The following CAPN5 variants were observed in gnomAD, a reference collection of about 807,000 sequenced individuals.
CAPN5 encodes calpain-5.
Under a neutral mutation model 73.0 loss-of-function variants are expected in CAPN5, and 54 were observed. That is an observed-to-expected ratio of 0.74 (90% CI 0.59 to 0.93). The LOEUF (loss-of-function observed/expected upper bound fraction) is 0.93, where lower values mean the gene tolerates loss of function less well. Among genes scored for constraint, CAPN5 ranks in the 40% least tolerant of loss-of-function variants. The probability of loss-of-function intolerance (pLI) is 0.00; values close to 1 mark genes in which losing one functional copy is unlikely to be tolerated. For missense variants in CAPN5, 785 were observed against 882.9 expected, an observed-to-expected ratio of 0.89 and a Z score of 1.41; for synonymous variants, 335 against 356.9, an observed-to-expected ratio of 0.94 and a Z score of 0.69.
At chr11:77,088,918 C>T (rs1399296257) in intron 2 of CAPN5, among the ~76,000 whole-genome samples, 4 of 152,114 alleles carry the variant, frequency 2.6e-5, no homozygotes, top group African/African-American at 9.7e-5. Flanking sequence ...ACTGCAGGTG[C>T]AGAATGCTGT....
intron 3 of CAPN5, among the ~76,000 whole-genome samples, chr11:77,096,298 C>G (rs143234254): frequency 2.6e-5 from 4 of 152,322 alleles, no homozygotes; most frequent in Admixed American, 2.0e-4. Flanking sequence ...TCACAGGATT[C>G]GAAGCCAGCC....
At chr11:77,123,659 C>A in intron 12 of CAPN5, 29 bp from the exon 13 acceptor site, 1 of 1,586,928 alleles carries the variant, frequency 6.3e-7, no homozygotes, top group Non-Finnish European at 8.6e-7. Flanking sequence ...GGTAGCCCGC[C>A]CCTCCCATGA....
chr11:77,111,714 TC>T (rs11340757), intron 3 of CAPN5, among the ~76,000 whole-genome samples: 26,575 of 152,116 alleles, frequency 0.17, 3,220 homozygotes, highest in African/African-American at 0.33. Context: ...GAACTGACAT[TC>T]CCAGTGTAAC....
At position 77,125,699 on chromosome 11, in the gene CAPN5, G is replaced by T. The variant is rs1410235716; in HGVS notation, c.*1829G>T. The T allele has an allele frequency of 2.6e-5, 4 of 152,144 alleles. No individual in the cohort carries two copies. Among genetic ancestry groups the T allele is most frequent in the African/African-American group, 7.3e-5 (3 of 41,264 alleles). 9.4% of individuals were successfully genotyped at this position (152,144 alleles called of 1,614,324 possible). On this transcript the variant is annotated 3_prime_UTR_variant, in exon 13 of 13. Coordinates refer to ENST00000648180, the MANE Select transcript of CAPN5 (RefSeq NM_004055.5). ...TCAAATCAAGGCTCCTGAGTAGGGG[G>T]TGAAGTGAGCCAGCTTGCACCTCAG...
chr11:77,098,299 C>T (rs1405650332), intron 3 of CAPN5, among the ~76,000 whole-genome samples: 1 of 106,042 alleles, frequency 9.4e-6, no homozygotes, highest in African/African-American at 3.8e-5. Context: ...ACCTCCCTCC[C>T]GGACGGGGCA....
intron 3 of CAPN5, among the ~76,000 whole-genome samples, chr11:77,107,742 G>T (rs970562021): frequency 2.0e-5 from 3 of 152,214 alleles, no homozygotes; most frequent in Non-Finnish European, 4.4e-5. Context: ...GATCCTGCCA[G>T]TCCTTGCCTT....
In CAPN5 at chr11:77,093,801, G is replaced by T. The variant is rs144932888; in HGVS notation, c.285G>T (p.Ser95=). ...GCTCGTCACTTGCCTCCCGGGAGTC[G>T]CTGTGGCAAAAGGTGAGGCCTCGGG... ...AACSSLASRE[S]LWQKVIPDWK... The change falls in exon 3 of 13, where the codon TCG becomes TCT. Residue 95 remains serine (S), a synonymous_variant. Transcript: ENST00000648180. 6.2e-7 allele frequency: 1 copy of T among 1,610,336 alleles called. No individual in the cohort carries two copies. The highest frequency in any genetic ancestry group is 8.5e-7 in the Non-Finnish European group (1 of 1,179,950).
At position 77,070,153 on chromosome 11, in the gene CAPN5, T is replaced by C. The variant is rs76935966; in HGVS notation, c.-36+3059T>C. On this transcript the variant is annotated intron_variant, in intron 1 of 12. Coordinates refer to ENST00000648180, the MANE Select transcript of CAPN5 (RefSeq NM_004055.5). ...GCACGTGTGCTTCCAGGGACCCAAGTTTTCCCAGGGATAGGGGTCTGGGTG... is the reference window on the plus strand; with the variant it reads ...GCACGTGTGCTTCCAGGGACCCAAGCTTTCCCAGGGATAGGGGTCTGGGTG... Among the ~76,000 whole-genome samples, 1,506 of 152,250 alleles carry C rather than the reference T, an allele frequency of 9.9e-3. 22 individuals carry two copies. Among genetic ancestry groups the C allele is most frequent in the African/African-American group, 0.034 (1,420 of 41,560 alleles).
At chr11:77,112,475 A>G (rs913103248) in intron 3 of CAPN5, 114 bp from the exon 4 acceptor site, 2 of 800,484 alleles carry the variant, frequency 2.5e-6, no homozygotes, top group Non-Finnish European at 4.2e-6. Flanking sequence ...TTGGAATCCG[A>G]ACCCAGTATT....
chr11:77,088,159 A>C, intron 2 of CAPN5: 4 of 1,108,444 alleles, frequency 3.6e-6, no homozygotes, highest in East Asian at 2.8e-5. Context: ...CTTTGGTGGA[A>C]TGCACAGGGG....
At chr11:77,116,480 A>C (rs1469921278) in intron 7 of CAPN5, among the ~76,000 whole-genome samples, 177 bp downstream of exon 7, 1 of 152,140 alleles carries the variant, frequency 6.6e-6, no homozygotes, top group Admixed American at 6.5e-5. Context: ...CTGTAAAATT[A>C]GTTGGGCAGT....
chr11:77,069,933 G>T (rs1320502248), intron 1 of CAPN5, among the ~76,000 whole-genome samples: 1 of 152,140 alleles, frequency 6.6e-6, no homozygotes, highest in South Asian at 2.1e-4. Context: ...TTGCTTTAGT[G>T]CAGGCAGAGC....
chr11:77,099,899 C>T (rs1255613456), intron 3 of CAPN5, among the ~76,000 whole-genome samples: 6 of 151,884 alleles, frequency 4.0e-5, no homozygotes, highest in East Asian at 3.9e-4. Context: ...TGCAATGGTG[C>T]GATCACGGCT....
At chr11:77,080,603 C>T (rs1382927359) in intron 1 of CAPN5, among the ~76,000 whole-genome samples, 1 of 152,200 alleles carries the variant, frequency 6.6e-6, no homozygotes, top group African/African-American at 2.4e-5. Context: ...ATCCTGTACA[C>T]AGCCAGGCTG....
chr11:77,123,066 C>T (rs765732140), intron 12 of CAPN5, among the ~76,000 whole-genome samples: 2 of 152,200 alleles, frequency 1.3e-5, no homozygotes, highest in African/African-American at 4.8e-5. Context: ...CTGTGTGGTG[C>T]GTGTGGCTGT....
intron 3 of CAPN5, among the ~76,000 whole-genome samples, chr11:77,104,451 T>C (rs1565270821): frequency 6.6e-6 from 1 of 152,172 alleles, no homozygotes; most frequent in Non-Finnish European, 1.5e-5. Flanking sequence ...CGACGGCTGA[T>C]AGTCCCAAGT....
At chr11:77,098,921 T>G (rs1555038177) in intron 3 of CAPN5, among the ~76,000 whole-genome samples, 1 of 103,728 alleles carries the variant, frequency 9.6e-6, no homozygotes, top group African/African-American at 4.4e-5. Context: ...GAGAGGCTCC[T>G]CACTTCTCAG....
chr11:77,090,556 A>G (rs2135431439), intron 2 of CAPN5, among the ~76,000 whole-genome samples: 1 of 152,252 alleles, frequency 6.6e-6, no homozygotes, highest in Middle Eastern at 3.4e-3. Context: ...CTTGGACATC[A>G]CTGCGCTGTC....
intron 1 of CAPN5, among the ~76,000 whole-genome samples, chr11:77,070,639 T>C (rs1340289771): frequency 6.6e-6 from 1 of 152,232 alleles, no homozygotes; most frequent in Non-Finnish European, 1.5e-5. Flanking sequence ...AAGAGCATAT[T>C]CCTTTCCTAT....
Sources: allele counts gnomAD v4.1 joint callset (sites outside exome capture counted in the v4.1 genomes callset), GRCh38; gene constraint gnomAD v4.1.1; transcripts MANE v1.5; gene names NCBI Gene and HGNC (gene_info 2026-07-23, HGNC 2026-07-21).